The following BCAR3 variants were observed in gnomAD, a reference collection of about 807,000 sequenced individuals.
The protein encoded by BCAR3 is breast cancer anti-estrogen resistance protein 3.
A neutral mutation model predicts 80.1 loss-of-function variants in BCAR3; 37 were observed. That is an observed-to-expected ratio of 0.46 (90% CI 0.36 to 0.61). The LOEUF (loss-of-function observed/expected upper bound fraction) is 0.61. Among genes scored for constraint, BCAR3 ranks in the 20% least tolerant of loss-of-function variants. The probability of loss-of-function intolerance (pLI) is 0.00; values close to 1 mark genes in which losing one functional copy is unlikely to be tolerated. For synonymous variants in BCAR3, 389 were observed against 418.9 expected (o/e 0.93, Z 0.87); for missense variants, 978 against 1,068.2 (o/e 0.92, Z 1.18).
intron 3 of BCAR3, among the ~76,000 whole-genome samples, chr1:93,693,943 C>T (rs1206049448): frequency 6.6e-6 from 1 of 152,238 alleles, no homozygotes; most frequent in Non-Finnish European, 1.5e-5. Context: ...ACTCTTGGCA[C>T]TCTGTGTGCT....
intron 2 of BCAR3, among the ~76,000 whole-genome samples, chr1:93,799,063 T>C (rs772790889): frequency 6.6e-6 from 1 of 152,194 alleles, no homozygotes; most frequent in African/African-American, 2.4e-5. Context: ...CAGAATGAAG[T>C]ACATATATAG....
intron 3 of BCAR3, among the ~76,000 whole-genome samples, chr1:93,696,941 T>C (rs1649430660): frequency 6.6e-6 from 1 of 152,228 alleles, no homozygotes; most frequent in Non-Finnish European, 1.5e-5. Flanking sequence ...AAGACTGTTT[T>C]AAGGTGTTAC....
chr1:93,732,808 C>A (rs550759796), intron 2 of BCAR3, among the ~76,000 whole-genome samples: 37 of 152,202 alleles, frequency 2.4e-4, no homozygotes, highest in Non-Finnish European at 4.9e-4. Context: ...ATCTCCCCTC[C>A]TCTCAACCTG....
chr1:93,698,679 C>T (rs891541332), intron 3 of BCAR3, among the ~76,000 whole-genome samples: 1 of 152,212 alleles, frequency 6.6e-6, no homozygotes, highest in Non-Finnish European at 1.5e-5. Flanking sequence ...GAGAGGTGTC[C>T]TTAGTCTGCC....
chr1:93,735,665 C>T (rs1650949287), intron 2 of BCAR3, among the ~76,000 whole-genome samples: 1 of 152,134 alleles, frequency 6.6e-6, no homozygotes, highest in African/African-American at 2.4e-5. Flanking sequence ...TTTCAAGTCT[C>T]AAAAATCTTT....
chr1:93,595,202 T>G lies in BCAR3; in HGVS notation c.358-2809A>C, dbSNP rs1365411137. On this transcript the variant is annotated intron_variant, in intron 3 of 11. Transcript: ENST00000260502. ...TTAAGATTGACGCTCTCAAATAATT[T>G]GGGATGAAAGACCAGACTTCAAAAA... Among the ~76,000 whole-genome samples, 5 of 152,198 alleles carry G rather than the reference T, an allele frequency of 3.3e-5. No individual in the cohort carries two copies. In the East Asian group the frequency reaches 9.6e-4, roughly 29 times the overall value.
At chr1:93,772,033 G>A (rs552165255) in intron 2 of BCAR3, among the ~76,000 whole-genome samples, 5 of 152,174 alleles carry the variant, frequency 3.3e-5, no homozygotes, top group Non-Finnish European at 7.3e-5. Flanking sequence ...TAATGTCAAC[G>A]GAAGGCTAGG....
At chr1:93,744,420 C>T (rs766452526) in intron 2 of BCAR3, among the ~76,000 whole-genome samples, 22 of 151,990 alleles carry the variant, frequency 1.4e-4, no homozygotes, top group Non-Finnish European at 2.9e-5. Flanking sequence ...AGTGCTTCTC[C>T]GATAGTAGCA....
chr1:93,830,778 C>A (rs957476432), intron 2 of BCAR3, among the ~76,000 whole-genome samples: 3 of 152,172 alleles, frequency 2.0e-5, no homozygotes, highest in Non-Finnish European at 4.4e-5. Context: ...CAGGAGGACT[C>A]CTTCAGGAGA....
intron 2 of BCAR3, among the ~76,000 whole-genome samples, chr1:93,771,171 T>C (rs60661913): frequency 0.12 from 17,761 of 152,178 alleles, 1,456 homozygotes; most frequent in African/African-American, 0.22. Context: ...ATTTTATTGA[T>C]GGAGAAATGG....
intron 3 of BCAR3, among the ~76,000 whole-genome samples, chr1:93,593,791 C>T (rs1674310484): frequency 6.6e-6 from 1 of 152,206 alleles, no homozygotes; most frequent in Non-Finnish European, 1.5e-5. Context: ...TTCTCATCCT[C>T]TAGTGCTTCT....
Position 93,688,780 on chromosome 1 carries a change from T to G in BCAR3, c.-11-13839A>C, listed in dbSNP as rs78366078. On this transcript the variant is annotated intron_variant, in intron 3 of 13. Transcript: ENST00000370244. Reference sequence around the variant, plus strand: ...CTGGCTAAGGTTTTTTTGTTTGTTTTTGTTTGTTTGTTTGTTTGTTTGTTT... The same window carrying G: ...CTGGCTAAGGTTTTTTTGTTTGTTTGTGTTTGTTTGTTTGTTTGTTTGTTT... 4.1e-5 allele frequency among the ~76,000 whole-genome samples: 3 copies of G among 73,544 alleles called. 1 individual carries two copies. Among genetic ancestry groups the G allele is most frequent in the East Asian group, 5.3e-4 (2 of 3,784 alleles). The allele number at this position is 73,544 out of a possible 152,430, so 48.2% of individuals were successfully genotyped here.
At chr1:93,667,692 T>A (rs1345094912) in intron 2 of BCAR3, among the ~76,000 whole-genome samples, 1 of 152,198 alleles carries the variant, frequency 6.6e-6, no homozygotes, top group African/African-American at 2.4e-5. Context: ...CCCTATATGC[T>A]TGTCTTTGGG....
At chr1:93,646,438 AC>A (rs1194450030) in intron 2 of BCAR3, 1 of 151,878 alleles carries the variant, frequency 6.6e-6, no homozygotes, top group East Asian at 1.9e-4. Context: ...CCCTGTCTCT[AC>A]TAAAAATACA....
Position 93,718,242 on chromosome 1 carries a change from G to GT in BCAR3, c.-62-12101dup, listed in dbSNP as rs571469734. Reference sequence around the variant, plus strand: ...GGTAAAATAAATGGAATTTGGGCAGGTAGAAAATGAAGGAAGATAGAAGTA... The same window carrying GT: ...GGTAAAATAAATGGAATTTGGGCAGGTTAGAAAATGAAGGAAGATAGAAGTA... On this transcript the variant is annotated intron_variant, in intron 2 of 13. Transcript: ENST00000370244. 3.5e-3 allele frequency among the ~76,000 whole-genome samples: 539 copies of GT among 152,300 alleles called. 1 individual carries two copies. Among genetic ancestry groups the GT allele is most frequent in the Non-Finnish European group, 6.0e-3 (410 of 68,020 alleles).
rs568160574 is a variant in BCAR3, at chr1:93,605,928, C to T, written c.358-13535G>A. 8.5e-5 allele frequency among the ~76,000 whole-genome samples: 13 copies of T among 152,280 alleles called. No individual in the cohort carries two copies. In the South Asian group the frequency reaches 1.9e-3, roughly 22 times the overall value. On this transcript the variant is annotated intron_variant, in intron 3 of 11. Transcript: ENST00000260502. ...GCCAAAGATTCAGACAGCCTTCCAGCGTGGGGTGTAGAACAAATGACTTTC... is the reference window on the plus strand; with the variant it reads ...GCCAAAGATTCAGACAGCCTTCCAGTGTGGGGTGTAGAACAAATGACTTTC...
At chr1:93,802,266 C>T (rs566112844) in intron 2 of BCAR3, among the ~76,000 whole-genome samples, 3 of 151,812 alleles carry the variant, frequency 2.0e-5, no homozygotes, top group Non-Finnish European at 2.9e-5. Flanking sequence ...GCCATAATCA[C>T]ACCACTGCAC....
chr1:93,790,018 G>A (rs1168429519), intron 2 of BCAR3, among the ~76,000 whole-genome samples: 1 of 152,098 alleles, frequency 6.6e-6, no homozygotes, highest in African/African-American at 2.4e-5. Context: ...GTAGAGGAGG[G>A]AGTGTGTGGG....
intron 2 of BCAR3, among the ~76,000 whole-genome samples, chr1:93,809,863 A>G (rs1170474769): frequency 3.1e-5 from 4 of 127,090 alleles, no homozygotes; most frequent in African/African-American, 1.6e-4. Flanking sequence ...TAAGCAGTTT[A>G]TAAGACGGTG....
Sources: gnomAD v4.1 joint callset for allele counts (sites outside exome capture counted in the v4.1 genomes callset) on GRCh38, gnomAD v4.1.1 for gene constraint, MANE v1.5 for transcripts, NCBI Gene and HGNC (gene_info 2026-07-23, HGNC 2026-07-21) for gene names.